The following HSCB variants were observed in gnomAD, a reference collection of about 807,000 sequenced individuals.
HSCB encodes iron-sulfur cluster co-chaperone protein HscB.
A neutral mutation model predicts 31.3 loss-of-function variants in HSCB; 23 were observed. The observed-to-expected ratio is 0.74, with a 90% CI of 0.53 to 1.04. The LOEUF is 1.04. HSCB is among the 50% of genes least tolerant of loss of function. The pLI, the probability that HSCB is intolerant of heterozygous loss-of-function variation, is 0.00. For missense variants in HSCB, 297 were observed against 288.1 expected, an observed-to-expected ratio of 1.03 and a Z score of -0.22; for synonymous variants, 110 against 104.5, an observed-to-expected ratio of 1.05 and a Z score of -0.32.
intron 4 of HSCB, 95 bp downstream of exon 4, chr22:28,746,103 G>A (rs377183164): frequency 1.4e-5 from 18 of 1,243,176 alleles, no homozygotes; most frequent in Middle Eastern, 2.9e-4. Context: ...ATAATGGCCC[G>A]GGTGCAGTGG....
At chr22:28,745,810 A>G in intron 3 of HSCB, 54 bp from the exon 4 acceptor site, 1 of 1,470,062 alleles carries the variant, frequency 6.8e-7, no homozygotes, top group East Asian at 2.3e-5. Flanking sequence ...TAGGATTTAC[A>G]TTACTCTGCC....
At chr22:28,751,982 CAA>C (rs2030288300) in intron 5 of HSCB, among the ~76,000 whole-genome samples, 1 of 150,220 alleles carries the variant, frequency 6.7e-6, no homozygotes. Flanking sequence ...CCCAGCTACT[CAA>C]GAGGCTGAGG....
intron 5 of HSCB, among the ~76,000 whole-genome samples, chr22:28,753,175 A>G (rs2030374726): frequency 6.6e-6 from 1 of 152,192 alleles, no homozygotes; most frequent in Non-Finnish European, 1.5e-5. Context: ...GAATAAGTAA[A>G]TGCAAAATTA....
Position 28,757,159 on chromosome 22 carries a change from T to G in HSCB, c.698T>G (p.Ile233Ser), listed in dbSNP as rs1164586256. ...NIEEKIKLKK[I>S]PL ...GAAGAAAAGATCAAGTTAAAGAAGA[T>G]TCCCCTTTAATTGTGGATAGTTTAA... is the stretch of plus-strand genomic sequence containing the variant. The change falls in exon 6 of 6, where the codon ATT (isoleucine) becomes AGT (serine). Residue 233 changes from isoleucine to serine, a missense_variant. Transcript: ENST00000216027. The G allele has an allele frequency of 8.7e-6, 13 of 1,491,026 alleles. No homozygotes were observed. Among genetic ancestry groups the G allele is most frequent in the Non-Finnish European group, 1.1e-5 (12 of 1,069,066 alleles). 92.4% of individuals were successfully genotyped at this position (1,491,026 alleles called of 1,614,324 possible). A position where few individuals can be genotyped will look rare whatever the true frequency, so the allele number is the denominator to read the frequency against.
At chr22:28,752,254 T>C (rs2030304869) in intron 5 of HSCB, among the ~76,000 whole-genome samples, 1 of 151,916 alleles carries the variant, frequency 6.6e-6, no homozygotes, top group South Asian at 2.1e-4. Flanking sequence ...GCCAACATGG[T>C]GAAACCCCAT....
intron 5 of HSCB, among the ~76,000 whole-genome samples, chr22:28,755,071 G>T (rs1474408179): frequency 6.7e-6 from 1 of 149,320 alleles, no homozygotes; most frequent in Admixed American, 6.6e-5. Context: ...TGGGATTACA[G>T]GCGTGAGCCA....
intron 5 of HSCB, among the ~76,000 whole-genome samples, chr22:28,755,367 G>T (rs565484427): frequency 7.6e-4 from 116 of 151,782 alleles, no homozygotes; most frequent in Non-Finnish European, 5.3e-4. Context: ...CCAAGATTGC[G>T]CCACTGCACT....
intron 4 of HSCB, among the ~76,000 whole-genome samples, chr22:28,747,254 A>G (rs1351980134): frequency 6.6e-6 from 1 of 152,204 alleles, no homozygotes; most frequent in Non-Finnish European, 1.5e-5. Flanking sequence ...AACTGATTAT[A>G]AATGTTAATC....
intron 5 of HSCB, among the ~76,000 whole-genome samples, chr22:28,753,484 C>T (rs928517316): frequency 1.3e-5 from 2 of 150,072 alleles, no homozygotes; most frequent in African/African-American, 4.9e-5. Context: ...GCTGAGATCG[C>T]ACCATTGCAC....
At chr22:28,743,819 G>T (rs2054636657) in intron 1 of HSCB, 63 bp from the exon 2 acceptor site, 5 of 1,386,678 alleles carry the variant, frequency 3.6e-6, no homozygotes, top group Non-Finnish European at 5.1e-6. Flanking sequence ...CAAGAACCAG[G>T]CTCATGGTAG....
At chr22:28,749,335 CCCTCCTCT>C (rs1285948691) in intron 4 of HSCB, among the ~76,000 whole-genome samples, 2 of 152,028 alleles carry the variant, frequency 1.3e-5, no homozygotes, top group Admixed American at 1.3e-4. Flanking sequence ...CTGCCTGAAA[CCCTCCTCT>C]CCTCCGCCCC....
At chr22:28,744,753 A>T (rs776842216) in intron 3 of HSCB, 49 bp downstream of exon 3, 5 of 1,394,926 alleles carry the variant, frequency 3.6e-6, no homozygotes, top group Non-Finnish European at 5.1e-6. Context: ...GATGCCCATT[A>T]TGGCGTAGGA....
chr22:28,744,071 G>C, intron 2 of HSCB, 93 bp downstream of exon 2: 1 of 1,002,188 alleles, frequency 1.0e-6, no homozygotes, highest in South Asian at 1.3e-5. Flanking sequence ...GGACTGAGCT[G>C]GAAAATCAGC....
At chr22:28,756,241 C>G (rs1034547837) in intron 5 of HSCB, among the ~76,000 whole-genome samples, 4 of 149,804 alleles carry the variant, frequency 2.7e-5, no homozygotes, top group African/African-American at 9.9e-5. Context: ...GAGTGAGGCT[C>G]CATCTCACAA....
intron 5 of HSCB, among the ~76,000 whole-genome samples, chr22:28,752,182 A>G (rs891856211): frequency 6.6e-6 from 1 of 151,678 alleles, no homozygotes; most frequent in Non-Finnish European, 1.5e-5. Flanking sequence ...GGTGGCTCAC[A>G]CTTGTAATCC....
At chr22:28,756,027 C>G (rs1442540992) in intron 5 of HSCB, among the ~76,000 whole-genome samples, 4 of 152,056 alleles carry the variant, frequency 2.6e-5, no homozygotes, top group African/African-American at 7.2e-5. Context: ...AGGCGGATCA[C>G]TTGAGATCAG....
chr22:28,749,478 T>G (rs1275685240), intron 4 of HSCB, among the ~76,000 whole-genome samples: 3 of 152,200 alleles, frequency 2.0e-5, no homozygotes, highest in African/African-American at 7.2e-5. Flanking sequence ...ATAACTTTAC[T>G]GTTCTATGTG....
chr22:28,752,829 CCCA>C lies in HSCB; in HGVS notation c.616+1543_616+1545del, dbSNP rs895226463. 4.6e-5 allele frequency among the ~76,000 whole-genome samples: 7 copies of C among 151,980 alleles called. 1 individual carries two copies. On this transcript the variant is annotated intron_variant, in intron 5 of 5. Coordinates refer to ENST00000216027, the MANE Select transcript of HSCB (RefSeq NM_172002.5). The stretch of plus-strand genomic sequence containing the variant: ...GGCGTGGTGGCTCACGCCTGTAATC[CCCA>C]CATTTTGAGAGGCCAAGGTGGGCGG...
intron 2 of HSCB, 60 bp from the exon 3 acceptor site, chr22:28,744,554 CA>C: frequency 7.4e-7 from 1 of 1,343,008 alleles, no homozygotes; most frequent in Non-Finnish European, 1.1e-6. Flanking sequence ...AAAACAAAAA[CA>C]AAAACAAAAA....
Sources: allele counts gnomAD v4.1 joint callset (sites outside exome capture counted in the v4.1 genomes callset), GRCh38; gene constraint gnomAD v4.1.1; transcripts MANE v1.5; gene names NCBI Gene and HGNC (gene_info 2026-07-23, HGNC 2026-07-21).